The following CLASP1 variants were observed in gnomAD, a reference collection of about 807,000 sequenced individuals.
CLASP1 encodes the protein CLIP-associating protein 1.
CLASP1 carries 38 observed loss-of-function variants against 192.3 expected under a neutral mutation model. The observed-to-expected ratio is 0.20, with a 90% CI of 0.15 to 0.26. CLASP1 has a LOEUF of 0.26. Among genes scored for constraint, CLASP1 ranks in the 10% least tolerant of loss-of-function variants. The pLI is 1.00. For synonymous variants in CLASP1, 691 were observed against 712.8 expected (o/e 0.97, Z 0.49); for missense variants, 1,433 against 1,932.5 (o/e 0.74, Z 4.85).
chr2:121,427,543 T>C, intron 20 of CLASP1, 113 bp from the exon 21 acceptor site: 1 of 1,043,102 alleles, frequency 9.6e-7, no homozygotes, highest in Non-Finnish European at 1.5e-6. Context: ...ACAAATACAT[T>C]AGCAAAACAG....
chr2:121,639,212 G>A, intron 1 of CLASP1, among the ~76,000 whole-genome samples: 1 of 152,080 alleles, frequency 6.6e-6, no homozygotes, highest in Non-Finnish European at 1.5e-5. Context: ...GGGAGGCAGA[G>A]CTTGCAGTGA....
At chr2:121,567,575 A>G (rs2059616137) in intron 2 of CLASP1, among the ~76,000 whole-genome samples, 1 of 152,216 alleles carries the variant, frequency 6.6e-6, no homozygotes, top group Non-Finnish European at 1.5e-5. Flanking sequence ...GTTGGCTGTA[A>G]TGTACGACAC....
chr2:121,499,109 GA>G (rs1270467259), intron 8 of CLASP1, among the ~76,000 whole-genome samples: 1 of 152,166 alleles, frequency 6.6e-6, no homozygotes, highest in African/African-American at 2.4e-5. Context: ...ATATCCACAT[GA>G]AATCTTTTAC....
chr2:121,469,930 T>C (rs1173697314), exon 9 of CLASP1: 1 of 1,611,206 alleles, frequency 6.2e-7, no homozygotes, highest in Admixed American at 1.7e-5. Flanking sequence ...TCTGTTACCA[T>C]CCACAGAATC....
intron 2 of CLASP1, among the ~76,000 whole-genome samples, chr2:121,596,951 T>C (rs1448939991): frequency 6.6e-6 from 1 of 152,136 alleles, no homozygotes; most frequent in African/African-American, 2.4e-5. Context: ...AACCCACAAA[T>C]TTCAAATATA....
chr2:121,365,312 C>A, intron 35 of CLASP1, 28 bp from the exon 37 acceptor site: 1 of 1,594,258 alleles, frequency 6.3e-7, no homozygotes, highest in South Asian at 1.1e-5. Context: ...ACATACGTCA[C>A]CTCGTGAGGA....
chr2:121,621,462 T>TAGG (rs1169082966), intron 1 of CLASP1, among the ~76,000 whole-genome samples: 1 of 152,182 alleles, frequency 6.6e-6, no homozygotes, highest in Non-Finnish European at 1.5e-5. Context: ...ATCTTACATT[T>TAGG]AGGTCTATGA....
At chr2:121,483,565 T>C (rs949548202) in intron 8 of CLASP1, among the ~76,000 whole-genome samples, 1 of 151,690 alleles carries the variant, frequency 6.6e-6, no homozygotes, top group Non-Finnish European at 1.5e-5. Flanking sequence ...TATATATATG[T>C]ATGTATATAT....
At chr2:121,407,893 T>C (rs764860087) in intron 24 of CLASP1, 178 bp from the exon 26 acceptor site, 2 of 822,636 alleles carry the variant, frequency 2.4e-6, no homozygotes, top group East Asian at 5.0e-5. Flanking sequence ...AGTTTTCCAT[T>C]AGGTAAATAA....
At chr2:121,346,326 C>T (rs1229300778) in intron 39 of CLASP1, among the ~76,000 whole-genome samples, 4 of 152,200 alleles carry the variant, frequency 2.6e-5, no homozygotes, top group South Asian at 2.1e-4. Context: ...AGCATAAGGC[C>T]GGGTTTTTAA....
At chr2:121,635,986 G>C (rs920506219) in intron 1 of CLASP1, among the ~76,000 whole-genome samples, 1 of 152,066 alleles carries the variant, frequency 6.6e-6, no homozygotes, top group South Asian at 2.1e-4. Flanking sequence ...CACATTGCTT[G>C]AGCCCAGGAG....
rs1293183155 is a variant in CLASP1 at position 121,400,521 on chromosome 2, AC to A, written c.2900+987del. Among the ~76,000 whole-genome samples the A allele has an allele frequency of 5.3e-5, 8 of 151,880 alleles. No homozygotes were observed. In the East Asian group the frequency reaches 1.5e-3, roughly 29 times the overall value. ...AGAAGGTTCCAGTGCTATCCATACC[AC>A]CCCCCTGCCCCCACAGGAGGTGAGG... On this transcript the variant is annotated intron_variant, in intron 28 of 39. Coordinates refer to ENST00000263710, the Ensembl canonical transcript of CLASP1.
chr2:121,466,855 T>C (rs2089687283), intron 9 of CLASP1, among the ~76,000 whole-genome samples: 1 of 152,226 alleles, frequency 6.6e-6, no homozygotes, highest in African/African-American at 2.4e-5. Flanking sequence ...GTGTAGGATG[T>C]GCAGGTTGGT....
At chr2:121,404,300 T>C (rs1192011992) in intron 26 of CLASP1, 71 bp downstream of exon 27, 1 of 1,573,930 alleles carries the variant, frequency 6.4e-7, no homozygotes, top group Non-Finnish European at 8.6e-7. Flanking sequence ...CTCTCATTCT[T>C]GGGTAGTATA....
intron 36 of CLASP1, 28 bp from the exon 38 acceptor site, chr2:121,363,328 C>T (rs2149239149): frequency 6.2e-7 from 1 of 1,611,424 alleles, no homozygotes; most frequent in Non-Finnish European, 8.5e-7. Context: ...AGGAAGACAT[C>T]ACCAAACACC....
chr2:121,395,430 T>C (rs2075120387), intron 30 of CLASP1, among the ~76,000 whole-genome samples: 1 of 152,222 alleles, frequency 6.6e-6, no homozygotes, highest in African/African-American at 2.4e-5. Flanking sequence ...ATTCAAAACA[T>C]ATCAATGCCC....
intron 19 of CLASP1, among the ~76,000 whole-genome samples, chr2:121,444,166 T>C (rs1360203112): frequency 1.3e-5 from 2 of 152,312 alleles, no homozygotes; most frequent in South Asian, 2.1e-4. Flanking sequence ...AAAACAACTA[T>C]GTCTAAAATT....
At chr2:121,542,455 T>A (rs900717171) in intron 2 of CLASP1, among the ~76,000 whole-genome samples, 1 of 152,222 alleles carries the variant, frequency 6.6e-6, no homozygotes, top group Non-Finnish European at 1.5e-5. Context: ...CTCTACACTG[T>A]AATTTTCACA....
chr2:121,563,553 A>G (rs2059270438), intron 2 of CLASP1, among the ~76,000 whole-genome samples: 1 of 152,238 alleles, frequency 6.6e-6, no homozygotes, highest in Non-Finnish European at 1.5e-5. Flanking sequence ...TTGTTCTAGC[A>G]TAGAAAGCTT....
Sources: allele counts gnomAD v4.1 joint callset (sites outside exome capture counted in the v4.1 genomes callset), GRCh38; gene constraint gnomAD v4.1.1; transcripts MANE v1.5; gene names NCBI Gene and HGNC (gene_info 2026-07-23, HGNC 2026-07-21).